The following C10orf90 variants were observed in gnomAD, a reference collection of about 807,000 sequenced individuals.
The protein encoded by C10orf90 is (E2-independent) E3 ubiquitin-conjugating enzyme FATS.
A neutral mutation model predicts 62.5 loss-of-function variants in C10orf90; 56 were observed. The ratio of observed to expected loss-of-function variants is 0.90; its 90% CI spans 0.72 to 1.12. C10orf90 has a LOEUF of 1.12. C10orf90 is among the 50% of genes most tolerant of loss of function. The pLI, the probability that C10orf90 is intolerant of heterozygous loss-of-function variation, is 0.00. For missense variants in C10orf90, 970 were observed against 880.4 expected, an observed-to-expected ratio of 1.10 and a Z score of -1.29; for synonymous variants, 386 against 340.4, an observed-to-expected ratio of 1.13 and a Z score of -1.47.
In C10orf90 at chr10:126,425,830, G is replaced by C. The variant is rs1235734089; in HGVS notation, c.*34C>G. On this transcript the variant is annotated 3_prime_UTR_variant, in exon 10 of 10. Transcript: ENST00000488181. Reference sequence around the variant, plus strand: ...TATCCAGCATTCGAAGTCCTCCCAGGTCCAGGTAGTGTGGTCAGCAGGGCA... The same window carrying C: ...TATCCAGCATTCGAAGTCCTCCCAGCTCCAGGTAGTGTGGTCAGCAGGGCA... 1 of 1,607,948 alleles carries C rather than the reference G, an allele frequency of 6.2e-7. No homozygotes were observed. The highest frequency in any genetic ancestry group is 1.1e-5 in the South Asian group (1 of 89,978).
chr10:126,515,166 A>T (rs1863367653), intron 2 of C10orf90, among the ~76,000 whole-genome samples: 2 of 152,248 alleles, frequency 1.3e-5, no homozygotes, highest in Admixed American at 6.5e-5. Flanking sequence ...CAATAAGATT[A>T]TAATGGAGCT....
intron 3 of C10orf90, among the ~76,000 whole-genome samples, chr10:126,505,309 T>C (rs1338941179): frequency 6.6e-6 from 1 of 152,202 alleles, no homozygotes; most frequent in Non-Finnish European, 1.5e-5. Flanking sequence ...GCCTGAGTCA[T>C]GAATTGGTTT....
At chr10:126,565,066 ATTAT>A (rs1564873901) in intron 2 of C10orf90, among the ~76,000 whole-genome samples, 1 of 28,728 alleles carries the variant, frequency 3.5e-5, no homozygotes, top group Non-Finnish European at 6.0e-5. Context: ...TAAAATATAT[ATTAT>A]ATATAATATA....
intron 1 of C10orf90, among the ~76,000 whole-genome samples, chr10:126,666,993 T>G (rs997785570): frequency 1.1e-4 from 16 of 148,058 alleles, no homozygotes; most frequent in Admixed American, 8.9e-4. Context: ...AAAAAAAAAG[T>G]TCACTATGAT....
At chr10:126,596,025 G>T (rs927546517) in intron 2 of C10orf90, among the ~76,000 whole-genome samples, 7 of 151,546 alleles carry the variant, frequency 4.6e-5, no homozygotes, top group African/African-American at 1.5e-4. Context: ...AAACACAGGA[G>T]AAAATCTTTG....
In C10orf90 at chr10:126,524,772, A is replaced by G. The variant is rs1863883959; in HGVS notation, c.314-10833T>C. ...TAGGGTGCCATCTAGCTCTGCCATGAGGGCTTGTCCTACAAGAGCTGGGGG... is the reference window on the plus strand; with the variant it reads ...TAGGGTGCCATCTAGCTCTGCCATGGGGGCTTGTCCTACAAGAGCTGGGGG... On this transcript the variant is annotated intron_variant, in intron 2 of 9. Transcript: ENST00000488181. 4.1e-6 allele frequency: 4 copies of G among 985,436 alleles called. No individual in the cohort carries two copies. In the South Asian group the frequency reaches 1.4e-4, roughly 35 times the overall value. 61.0% of individuals were successfully genotyped at this position (985,436 alleles called of 1,614,324 possible).
chr10:126,589,427 A>G (rs1284658797), intron 2 of C10orf90, among the ~76,000 whole-genome samples: 1 of 152,202 alleles, frequency 6.6e-6, no homozygotes, highest in Non-Finnish European at 1.5e-5. Context: ...TGTCGAAATG[A>G]AAGAAATAAT....
At chr10:126,476,141 GGAAGT>G (rs1860849331) in intron 4 of C10orf90, among the ~76,000 whole-genome samples, 1 of 152,198 alleles carries the variant, frequency 6.6e-6, no homozygotes, top group Non-Finnish European at 1.5e-5. Flanking sequence ...TGTCAGGAAA[GGAAGT>G]GAATTCCAAG....
chr10:126,576,531 A>C (rs1358569641), intron 2 of C10orf90, among the ~76,000 whole-genome samples: 1 of 151,672 alleles, frequency 6.6e-6, no homozygotes, highest in African/African-American at 2.4e-5. Context: ...GAAAACTACA[A>C]ATAGAACTAC....
intron 2 of C10orf90, among the ~76,000 whole-genome samples, chr10:126,620,317 C>T (rs1199829029): frequency 1.3e-5 from 2 of 152,168 alleles, no homozygotes; most frequent in Non-Finnish European, 2.9e-5. Flanking sequence ...ACCATTTTCC[C>T]CCTGCGTCAT....
At chr10:126,637,365 T>G (rs1564903312) in intron 2 of C10orf90, among the ~76,000 whole-genome samples, 1 of 152,120 alleles carries the variant, frequency 6.6e-6, no homozygotes, top group African/African-American at 2.4e-5. Flanking sequence ...ATCCTAGACT[T>G]AGCTCCTACC....
At chr10:126,485,006 A>G (rs1861353927) in intron 4 of C10orf90, among the ~76,000 whole-genome samples, 1 of 152,248 alleles carries the variant, frequency 6.6e-6, no homozygotes. Context: ...TCAAGAATAG[A>G]CATGGTACAA....
intron 4 of C10orf90, among the ~76,000 whole-genome samples, chr10:126,476,979 G>A (rs1326116988): frequency 2.8e-5 from 4 of 141,520 alleles, no homozygotes; most frequent in South Asian, 2.2e-4. Context: ...GCATGATCTC[G>A]GCTCACTGCA....
chr10:126,574,444 G>A (rs1310940351), intron 2 of C10orf90, among the ~76,000 whole-genome samples: 1 of 151,968 alleles, frequency 6.6e-6, no homozygotes, highest in Non-Finnish European at 1.5e-5. Flanking sequence ...ACAAAGTATT[G>A]CAACCTGAAA....
At chr10:126,492,244 T>C (rs66534906) in intron 4 of C10orf90, among the ~76,000 whole-genome samples, 14,451 of 152,152 alleles carry the variant, frequency 0.095, 957 homozygotes, top group South Asian at 0.27. Context: ...GGTTGTGTGC[T>C]AGGGGGAGAA....
intron 7 of C10orf90, among the ~76,000 whole-genome samples, chr10:126,448,634 G>T (rs1486440059): frequency 2.0e-5 from 3 of 152,062 alleles, no homozygotes; most frequent in Non-Finnish European, 4.4e-5. Context: ...AAACAAAATT[G>T]ACAAATCTCT....
chr10:126,584,905 C>T (rs1160264631), intron 2 of C10orf90, among the ~76,000 whole-genome samples: 1 of 152,106 alleles, frequency 6.6e-6, no homozygotes, highest in Non-Finnish European at 1.5e-5. Context: ...TCTTCCCTCT[C>T]TCATCCCTAA....
Position 126,505,044 on chromosome 10 carries a change from T to A in C10orf90, c.447A>T (p.Ile149=). 1.2e-6 allele frequency: 2 copies of A among 1,611,824 alleles called. No individual in the cohort carries two copies. The highest frequency in any genetic ancestry group is 1.7e-6 in the Non-Finnish European group (2 of 1,179,138). The change falls in exon 4 of 10, where the codon ATA becomes ATT. Residue 149 remains isoleucine, a synonymous_variant. Coordinates refer to ENST00000488181, the MANE Select transcript of C10orf90 (RefSeq NM_001350921.2). ...ASQNTKMISS[I]VISQMIDENK... ...TCTCATCAATCATCTGGGAGATGAC[T>A]ATGGATGAAATCATTTTTGTGTTTT...
At chr10:126,552,197 G>T (rs967466780) in intron 2 of C10orf90, among the ~76,000 whole-genome samples, 1 of 152,122 alleles carries the variant, frequency 6.6e-6, no homozygotes, top group Non-Finnish European at 1.5e-5. Flanking sequence ...TTGAGGCAGG[G>T]TCCTCATATG....
Sources: allele counts gnomAD v4.1 joint callset (sites outside exome capture counted in the v4.1 genomes callset), GRCh38; gene constraint gnomAD v4.1.1; transcripts MANE v1.5; gene names NCBI Gene and HGNC (gene_info 2026-07-23, HGNC 2026-07-21).